CFAP299: variants seen among roughly 807,000 people sequenced by gnomAD.
The protein encoded by CFAP299 is cilia- and flagella-associated protein 299.
A neutral mutation model predicts 27.0 loss-of-function variants in CFAP299; 21 were observed. The ratio of observed to expected loss-of-function variants is 0.78; its 90% CI spans 0.55 to 1.12. The LOEUF (loss-of-function observed/expected upper bound fraction) is 1.12. Among genes scored for constraint, CFAP299 ranks in the 50% most tolerant of loss-of-function variants. CFAP299 has a pLI of 0.00. For synonymous variants in CFAP299, 104 were observed against 98.1 expected, an observed-to-expected ratio of 1.06 and a Z score of -0.36; for missense variants, 310 against 276.6, an observed-to-expected ratio of 1.12 and a Z score of -0.86.
chr4:80,608,431 T>C, intron 3 of CFAP299: 1 of 1,280,578 alleles, frequency 7.8e-7, no homozygotes, highest in Non-Finnish European at 1.1e-6. Flanking sequence ...AGAAAAACAT[T>C]TTGGCTTCAT....
intron 2 of CFAP299, among the ~76,000 whole-genome samples, chr4:80,499,943 G>A (rs1236768948): frequency 6.6e-6 from 1 of 151,192 alleles, no homozygotes. Flanking sequence ...AAGGAATTTA[G>A]AAACCTACTT....
chr4:80,469,365 A>G (rs1234124526), intron 2 of CFAP299, among the ~76,000 whole-genome samples: 2 of 152,210 alleles, frequency 1.3e-5, no homozygotes, highest in Non-Finnish European at 2.9e-5. Context: ...CAAAGGATAC[A>G]TAGTTATTTA....
chr4:80,730,258 G>C (rs1020228928), intron 3 of CFAP299, among the ~76,000 whole-genome samples: 16 of 148,512 alleles, frequency 1.1e-4, no homozygotes, highest in South Asian at 2.2e-4. Flanking sequence ...CTGTGTGTGT[G>C]TGTGTGTGTG....
At chr4:80,939,856 C>T (rs945556446) in intron 4 of CFAP299, among the ~76,000 whole-genome samples, 1 of 152,142 alleles carries the variant, frequency 6.6e-6, no homozygotes, top group South Asian at 2.1e-4. Flanking sequence ...TTTGCCCACC[C>T]CACTGCTCTT....
At chr4:80,438,371 T>C (rs190895476) in intron 2 of CFAP299, among the ~76,000 whole-genome samples, 4 of 152,338 alleles carry the variant, frequency 2.6e-5, no homozygotes, top group Admixed American at 2.6e-4. Context: ...GCAGGGAGGC[T>C]ACTCTTGCTT....
At chr4:80,759,014 C>T (rs189103483) in intron 3 of CFAP299, among the ~76,000 whole-genome samples, 1 of 151,948 alleles carries the variant, frequency 6.6e-6, no homozygotes, top group South Asian at 2.1e-4. Flanking sequence ...CAAATTATTT[C>T]AAAAAATATA....
At chr4:80,352,499 G>A (rs1363097791) in intron 1 of CFAP299, among the ~76,000 whole-genome samples, 5 of 152,102 alleles carry the variant, frequency 3.3e-5, no homozygotes, top group African/African-American at 7.2e-5. Context: ...CCCAAGAGGC[G>A]GAGGTTGCAG....
intron 2 of CFAP299, among the ~76,000 whole-genome samples, chr4:80,549,765 T>C (rs913530428): frequency 6.6e-6 from 1 of 152,098 alleles, no homozygotes; most frequent in African/African-American, 2.4e-5. Flanking sequence ...TGAATTCTTT[T>C]TTTATTCGAT....
At chr4:80,641,931 T>G (rs569555710) in intron 3 of CFAP299, among the ~76,000 whole-genome samples, 4 of 152,270 alleles carry the variant, frequency 2.6e-5, no homozygotes, top group African/African-American at 7.2e-5. Context: ...TAAAGATAAA[T>G]CTGTAAAATC....
At chr4:80,878,664 G>A (rs1409065949) in intron 4 of CFAP299, among the ~76,000 whole-genome samples, 1 of 151,912 alleles carries the variant, frequency 6.6e-6, no homozygotes, top group Non-Finnish European at 1.5e-5. Flanking sequence ...AAGTATATTA[G>A]TAGCAAATTA....
At chr4:80,473,658 C>T (rs1204272235) in intron 2 of CFAP299, among the ~76,000 whole-genome samples, 2 of 152,116 alleles carry the variant, frequency 1.3e-5, no homozygotes, top group Non-Finnish European at 2.9e-5. Context: ...GCAGCCTCAA[C>T]CTCCCAAGCT....
At chr4:80,846,016 A>T (rs1296910576) in intron 3 of CFAP299, among the ~76,000 whole-genome samples, 1 of 151,830 alleles carries the variant, frequency 6.6e-6, no homozygotes, top group African/African-American at 2.4e-5. Context: ...TTTGTCAATA[A>T]ACATTATTGC....
At chr4:80,574,178 T>G (rs564339956) in intron 2 of CFAP299, among the ~76,000 whole-genome samples, 3 of 152,104 alleles carry the variant, frequency 2.0e-5, no homozygotes, top group Non-Finnish European at 2.9e-5. Flanking sequence ...CTTCATTTAT[T>G]TGGTTAATTC....
chr4:80,645,894 A>G (rs1739985667), intron 3 of CFAP299, among the ~76,000 whole-genome samples: 1 of 152,220 alleles, frequency 6.6e-6, no homozygotes, highest in Admixed American at 6.5e-5. Flanking sequence ...AGTGATTGGT[A>G]GAAGTATCTG....
intron 3 of CFAP299, among the ~76,000 whole-genome samples, chr4:80,633,298 T>C (rs1250059687): frequency 6.6e-6 from 1 of 151,806 alleles, no homozygotes; most frequent in African/African-American, 2.4e-5. Context: ...AATACAAAAT[T>C]AGCCGGGCAT....
intron 3 of CFAP299, among the ~76,000 whole-genome samples, chr4:80,745,922 C>T (rs902614427): frequency 3.3e-5 from 5 of 152,010 alleles, no homozygotes; most frequent in African/African-American, 4.8e-5. Context: ...TTGATGTTTT[C>T]ATTTGTCTGA....
At chr4:80,614,080 A>G (rs1738146283) in intron 3 of CFAP299, among the ~76,000 whole-genome samples, 1 of 152,160 alleles carries the variant, frequency 6.6e-6, no homozygotes, top group African/African-American at 2.4e-5. Flanking sequence ...TTTGTCTGTT[A>G]AGGACACTTC....
intron 2 of CFAP299, among the ~76,000 whole-genome samples, chr4:80,526,546 T>G (rs1311346085): frequency 6.6e-6 from 1 of 152,130 alleles, no homozygotes; most frequent in Admixed American, 6.6e-5. Context: ...TTAAATATAC[T>G]AATGATTTTT....
intron 3 of CFAP299, among the ~76,000 whole-genome samples, chr4:80,648,046 G>A (rs1426303998): frequency 1.3e-5 from 2 of 152,204 alleles, no homozygotes; most frequent in Non-Finnish European, 2.9e-5. Flanking sequence ...GACAGAGGGA[G>A]AGACTCTGTC....
Sources: allele counts gnomAD v4.1 joint callset (sites outside exome capture counted in the v4.1 genomes callset), GRCh38; gene constraint gnomAD v4.1.1; transcripts MANE v1.5; gene names NCBI Gene and HGNC (gene_info 2026-07-23, HGNC 2026-07-21).